MYBPC3: variants seen among roughly 807,000 people sequenced by gnomAD.
The protein encoded by MYBPC3 is myosin-binding protein C, cardiac-type.
A neutral mutation model predicts 159.3 loss-of-function variants in MYBPC3; 108 were observed. The ratio of observed to expected loss-of-function variants is 0.68; its 90% CI spans 0.58 to 0.80. The LOEUF (loss-of-function observed/expected upper bound fraction) is 0.80, where lower values mean the gene tolerates loss of function less well. MYBPC3 is among the 30% of genes least tolerant of loss of function. The pLI is 0.00. For synonymous variants in MYBPC3, 730 were observed against 702.0 expected (o/e 1.04, Z -0.63); for missense variants, 1,631 against 1,762.1 (o/e 0.93, Z 1.33).
At chr11:47,350,214 C>G in intron 3 of MYBPC3, 102 bp from the exon 4 acceptor site, 16 of 1,327,894 alleles carry the variant, frequency 1.2e-5, no homozygotes, top group Non-Finnish European at 1.7e-5. Flanking sequence ...AGCTCCGCCT[C>G]CCAGGTTCAC....
chr11:47,333,439 G>A, intron 29 of MYBPC3, 106 bp from the exon 30 acceptor site: 1 of 1,508,364 alleles, frequency 6.6e-7, no homozygotes, highest in South Asian at 1.2e-5. Flanking sequence ...CAGGCCTGCT[G>A]GGGCAGTGGA....
chr11:47,344,486 C>G (rs1242543099), intron 12 of MYBPC3, among the ~76,000 whole-genome samples: 1 of 152,194 alleles, frequency 6.6e-6, no homozygotes, highest in Non-Finnish European at 1.5e-5. Flanking sequence ...ACAATGCCTC[C>G]TCTTGCGGCC....
In MYBPC3 at chr11:47,335,081, CA is replaced by C. The variant is rs2095880935; in HGVS notation, c.2865del (p.Val956LeufsTer7). On this transcript the variant is annotated frameshift_variant, in exon 27 of 35. Coordinates refer to ENST00000545968, the MANE Select transcript of MYBPC3 (RefSeq NM_000256.3). LOFTEE classifies it high-confidence loss of function. ...RAHNMAGPGA[P>X]VTTTEPVTVQ... Reference sequence around the variant, plus strand: ...ACTGTCACCGGCTCCGTGGTGGTAACAGGGGCTCCAGGCCCTGCCATATTGT... The same window carrying C: ...ACTGTCACCGGCTCCGTGGTGGTAACGGGGCTCCAGGCCCTGCCATATTGT... 6.3e-7 allele frequency: 1 copy of C among 1,595,750 alleles called. No individual in the cohort carries two copies. The highest frequency in any genetic ancestry group is 1.3e-5 in the African/African-American group (1 of 74,256).
intron 17 of MYBPC3, 143 bp downstream of exon 17, chr11:47,342,432 TGAG>T (rs2095889634): frequency 9.0e-7 from 1 of 1,113,258 alleles, no homozygotes; most frequent in East Asian, 2.6e-5. Context: ...ATTTTAGAGA[TGAG>T]AAGGATGAGG....
At position 47,339,407 on chromosome 11, in the gene MYBPC3, G is replaced by A. The variant is rs2095885969; in HGVS notation, c.2068-3C>T. The A allele has an allele frequency of 1.2e-6, 2 of 1,613,914 alleles. No individual in the cohort carries two copies. Among genetic ancestry groups the A allele is most frequent in the Non-Finnish European group, 1.7e-6 (2 of 1,179,802 alleles). On this transcript the variant is annotated splice_region_variant and splice_polypyrimidine_tract_variant and intron_variant, in intron 21 of 34. Transcript: ENST00000545968. ...GGCCTGGCTGGGGCCTTATTCCCCTGGGAACAGGGCAGGAGGGAAGTAGGG... is the reference window on the plus strand; with the variant it reads ...GGCCTGGCTGGGGCCTTATTCCCCTAGGAACAGGGCAGGAGGGAAGTAGGG...
chr11:47,333,339 G>T lies in MYBPC3; in HGVS notation c.3191-6C>A. The T allele has an allele frequency of 1.3e-6, 2 of 1,563,912 alleles. No individual in the cohort carries two copies. Among genetic ancestry groups the T allele is most frequent in the Non-Finnish European group, 8.7e-7 (1 of 1,152,210 alleles). Reference sequence around the variant, plus strand: ...CTGGGGAGGACTTGGCTTGTCTGCGGGAGACAGACCCAGTTGGGTCACCAC... The same window carrying T: ...CTGGGGAGGACTTGGCTTGTCTGCGTGAGACAGACCCAGTTGGGTCACCAC... On this transcript the variant is annotated splice_region_variant and splice_polypyrimidine_tract_variant and intron_variant, in intron 29 of 34. Transcript: ENST00000545968.
intron 25 of MYBPC3, among the ~76,000 whole-genome samples, chr11:47,336,928 C>T (rs964594455): frequency 6.6e-6 from 1 of 152,206 alleles, no homozygotes; most frequent in Non-Finnish European, 1.5e-5. Context: ...AGACAGATGC[C>T]CCTGAGACCC....
At chr11:47,341,336 C>A in intron 18 of MYBPC3, 92 bp from the exon 19 acceptor site, 1 of 868,362 alleles carries the variant, frequency 1.2e-6, no homozygotes, top group South Asian at 1.8e-5. Context: ...AGGCCCTCAC[C>A]TTGTCCTGGC....
In MYBPC3 at chr11:47,343,640, C is replaced by T; in HGVS notation, c.1091-16G>A. The T allele has an allele frequency of 6.3e-7, 1 of 1,594,828 alleles. No individual in the cohort carries two copies. Among genetic ancestry groups the T allele is most frequent in the Non-Finnish European group, 8.5e-7 (1 of 1,171,100 alleles). On this transcript the variant is annotated splice_polypyrimidine_tract_variant and intron_variant, in intron 12 of 34. Coordinates refer to ENST00000545968, the MANE Select transcript of MYBPC3 (RefSeq NM_000256.3). ...TTCTGAAAGGCTGAGCACCACCCCTCAGCCCCGGCCACCCCACCGCCCGCA... is the reference window on the plus strand; with the variant it reads ...TTCTGAAAGGCTGAGCACCACCCCTTAGCCCCGGCCACCCCACCGCCCGCA...
At position 47,338,347 on chromosome 11, in the gene MYBPC3, G is replaced by T. The variant is rs1256054756; in HGVS notation, c.2308+173C>A. Among the ~76,000 whole-genome samples, 1 of 152,210 alleles carries T rather than the reference G, an allele frequency of 6.6e-6. No homozygotes were observed. Among genetic ancestry groups the T allele is most frequent in the African/African-American group, 2.4e-5 (1 of 41,444 alleles). ...CGCAGGAAATCTGCTGGATGCATCT[G>T]CCTCCATCTCCCCCAGAGCGGGGCT... On this transcript the variant is annotated intron_variant, in intron 23 of 34. Transcript: ENST00000545968. This position sits in a 1 kb window ranked among gnomAD's most constrained non-coding sequence, Gnocchi z 4.7.
At position 47,333,729 on chromosome 11, in the gene MYBPC3, G is replaced by T; in HGVS notation, c.3018C>A (p.Thr1006=). 6.2e-7 allele frequency: 1 copy of T among 1,604,912 alleles called. No homozygotes were observed. Residue 1006 remains threonine, a synonymous_variant, in exon 29 of 35, where the codon ACC becomes ACA. Coordinates refer to ENST00000545968, the MANE Select transcript of MYBPC3 (RefSeq NM_000256.3). ...CCAGGGGCTGCCCCTCTTTGGTCCA[G>T]GTCACCTGAGGCCGGGGCTTGCCCT... ...PFQGKPRPQV[T]WTKEGQPLAG...
intron 8 of MYBPC3, 48 bp from the exon 9 acceptor site, chr11:47,347,527 G>T (rs11570063): frequency 6.3e-7 from 1 of 1,576,920 alleles, no homozygotes; most frequent in Non-Finnish European, 8.6e-7. Flanking sequence ...ACTGGAAAGG[G>T]ATTAGGAGCA....
Position 47,338,686 on chromosome 11 carries a change from G to A in MYBPC3, c.2149-7C>T. 6.2e-7 allele frequency: 1 copy of A among 1,606,624 alleles called. No individual in the cohort carries two copies. Among genetic ancestry groups the A allele is most frequent in the Non-Finnish European group, 8.5e-7 (1 of 1,176,252 alleles). On this transcript the variant is annotated splice_region_variant and splice_polypyrimidine_tract_variant and intron_variant, in intron 22 of 34. Coordinates refer to ENST00000545968, the MANE Select transcript of MYBPC3 (RefSeq NM_000256.3). The surrounding 1 kb of genome is among the most constrained non-coding windows in gnomAD (Gnocchi z 4.7). ...CCTCGGTCTCACACAGCAGCTGGGG[G>A]GGTGCAGAGTTGGGGTGAGATCCAA... is the stretch of plus-strand genomic sequence containing the variant.
rs397515945 is a variant in MYBPC3 at position 47,351,325 on chromosome 11, C to T, written c.206G>A (p.Arg69Gln). The change falls in exon 2 of 35, where the codon CGG becomes CAG. Residue 69 changes from arginine to glutamine, a missense_variant. Arg to Gln is a conservative substitution (Grantham distance 43, BLOSUM62 1). Transcript: ENST00000545968. The surrounding 1 kb of genome is among the most constrained non-coding windows in gnomAD (Gnocchi z 4.2). Reference protein sequence around the residue: ...TEGTRHTLTVREVGPADQGSY... With the variant: ...TEGTRHTLTVQEVGPADQGSY... ...TCCCTGGTCGGCAGGGCCCACTTCC[C>T]GCACTGTCAGCGTATGCCGTGTGCC... The T allele has an allele frequency of 6.0e-5, 96 of 1,591,556 alleles. No individual in the cohort carries two copies. The highest frequency in any genetic ancestry group is 7.6e-5 in the Non-Finnish European group (89 of 1,169,446).
intron 18 of MYBPC3, among the ~76,000 whole-genome samples, chr11:47,341,461 A>G (rs1169785404): frequency 6.6e-6 from 1 of 152,210 alleles, no homozygotes; most frequent in Non-Finnish European, 1.5e-5. Context: ...ACATCAAAGC[A>G]TCTCCTTGGC....
intron 2 of MYBPC3, 124 bp from the exon 3 acceptor site, chr11:47,350,739 C>G: frequency 7.4e-7 from 1 of 1,354,662 alleles, no homozygotes; most frequent in Non-Finnish European, 9.6e-7. Flanking sequence ...GGCTGTCCTC[C>G]CGCTGCCTGG....
At position 47,343,488 on chromosome 11, in the gene MYBPC3, G is replaced by A. The variant is rs1348810506; in HGVS notation, c.1223+4C>T. On this transcript the variant is annotated splice_donor_region_variant and intron_variant, in intron 13 of 34. Coordinates refer to ENST00000545968, the MANE Select transcript of MYBPC3 (RefSeq NM_000256.3). The stretch of plus-strand genomic sequence containing the variant: ...CGAGCCCCCCTCCCCACCCCAGGCT[G>A]CACCTGCCGCTCATCTGGATCTCCT... 6.3e-7 allele frequency: 1 copy of A among 1,578,296 alleles called. No individual in the cohort carries two copies. Among genetic ancestry groups the A allele is most frequent in the Non-Finnish European group, 8.6e-7 (1 of 1,162,984 alleles).
intron 12 of MYBPC3, among the ~76,000 whole-genome samples, chr11:47,344,559 C>G (rs372909879): frequency 6.6e-6 from 1 of 152,168 alleles, no homozygotes; most frequent in Non-Finnish European, 1.5e-5. Flanking sequence ...CTCCATCCAC[C>G]GAGCAGAGAA....
chr11:47,350,873 T>C (rs2095900048), intron 2 of MYBPC3, among the ~76,000 whole-genome samples: 1 of 152,188 alleles, frequency 6.6e-6, no homozygotes, highest in African/African-American at 2.4e-5. Flanking sequence ...GGTCCATCCC[T>C]GCTCTGCCCC....
Sources: gnomAD v4.1 joint callset for allele counts (sites outside exome capture counted in the v4.1 genomes callset) on GRCh38, gnomAD v4.1.1 for gene constraint, Gnocchi (gnomAD v3.1) non-coding constraint, MANE v1.5 for transcripts, NCBI Gene and HGNC (gene_info 2026-07-23, HGNC 2026-07-21) for gene names.